LCORL: variants seen among roughly 807,000 people sequenced by gnomAD.
The protein encoded by LCORL is ligand dependent nuclear receptor corepressor like.
LCORL carries 41 observed loss-of-function variants against 141.8 expected under a neutral mutation model. That is an observed-to-expected ratio of 0.29 (90% CI 0.23 to 0.38). The LOEUF (loss-of-function observed/expected upper bound fraction) is 0.38. Ranked by LOEUF, LCORL falls within the 10% of genes least tolerant of loss-of-function variation. The pLI, the probability that LCORL is intolerant of heterozygous loss-of-function variation, is 1.00. For synonymous variants in LCORL, 618 were observed against 694.1 expected, an observed-to-expected ratio of 0.89 and a Z score of 1.72; for missense variants, 1,759 against 2,035.0, an observed-to-expected ratio of 0.86 and a Z score of 2.61.
At chr4:17,939,770 G>T (rs1316554055) in intron 4 of LCORL, among the ~76,000 whole-genome samples, 1 of 151,708 alleles carries the variant, frequency 6.6e-6, no homozygotes, top group East Asian at 1.9e-4. Context: ...GTCTAGAAAA[G>T]AATAATGAAA....
At chr4:17,983,958 T>C (rs547806980) in intron 1 of LCORL, among the ~76,000 whole-genome samples, 9 of 152,208 alleles carry the variant, frequency 5.9e-5, no homozygotes, top group African/African-American at 2.2e-4. Context: ...ACCTAGTTTA[T>C]TGAGAATTTT....
chr4:17,945,889 A>T (rs1738798014), intron 4 of LCORL, among the ~76,000 whole-genome samples: 1 of 152,056 alleles, frequency 6.6e-6, no homozygotes, highest in Non-Finnish European at 1.5e-5. Flanking sequence ...TTTTTATGAC[A>T]GACATAACCA....
chr4:17,972,556 G>A (rs999225623), intron 2 of LCORL, among the ~76,000 whole-genome samples: 9 of 151,528 alleles, frequency 5.9e-5, no homozygotes, highest in Admixed American at 3.3e-4. Context: ...AAGTTAGGGC[G>A]TAGAATCAAT....
chr4:17,912,489 G>C (rs1468879594), intron 4 of LCORL: 3 of 516,912 alleles, frequency 5.8e-6, no homozygotes, highest in Admixed American at 2.2e-5. Flanking sequence ...AGAACCGACA[G>C]GAACTAGACA....
At chr4:17,885,651 C>T (rs1728166356) in intron 6 of LCORL, among the ~76,000 whole-genome samples, 1 of 151,604 alleles carries the variant, frequency 6.6e-6, no homozygotes, top group African/African-American at 2.4e-5. Context: ...ATCTAAAGTG[C>T]AATAAAAAAA....
intron 4 of LCORL, among the ~76,000 whole-genome samples, chr4:17,937,037 C>T (rs1736978858): frequency 6.6e-6 from 1 of 152,090 alleles, no homozygotes; most frequent in East Asian, 1.9e-4. Context: ...ACATATAGGG[C>T]TAAAAAATTT....
intron 1 of LCORL, among the ~76,000 whole-genome samples, chr4:18,003,529 T>C (rs940446075): frequency 2.6e-5 from 4 of 152,160 alleles, no homozygotes; most frequent in Admixed American, 6.5e-5. Context: ...TGTTACATAT[T>C]AGGTTGGTGC....
At chr4:18,003,762 G>A (rs996092927) in intron 1 of LCORL, among the ~76,000 whole-genome samples, 16 of 152,256 alleles carry the variant, frequency 1.1e-4, no homozygotes, top group South Asian at 6.2e-4. Context: ...TTTGAAGCAC[G>A]TTACAATCAC....
chr4:17,932,154 T>C (rs892521270), intron 4 of LCORL, among the ~76,000 whole-genome samples: 1 of 152,182 alleles, frequency 6.6e-6, no homozygotes, highest in Admixed American at 6.5e-5. Context: ...TTTAAAATCA[T>C]TTTATTTTAG....
intron 5 of LCORL, among the ~76,000 whole-genome samples, chr4:17,907,907 C>T (rs756512082): frequency 3.9e-5 from 6 of 152,200 alleles, no homozygotes; most frequent in Non-Finnish European, 8.8e-5. Context: ...GATATTGTCA[C>T]ATAAATACTT....
chr4:17,868,781 T>C (rs1725981218), intron 7 of LCORL, among the ~76,000 whole-genome samples: 1 of 152,184 alleles, frequency 6.6e-6, no homozygotes, highest in Non-Finnish European at 1.5e-5. Context: ...CTTTGTCCTG[T>C]CATCCCCACG....
chr4:17,847,074 C>G (rs923181722), intron 7 of LCORL, among the ~76,000 whole-genome samples: 3 of 152,186 alleles, frequency 2.0e-5, no homozygotes, highest in Non-Finnish European at 4.4e-5. Flanking sequence ...AGACACGTGA[C>G]AGTCAAAAGG....
At chr4:17,897,251 T>A (rs1004970977) in intron 5 of LCORL, among the ~76,000 whole-genome samples, 4 of 126,566 alleles carry the variant, frequency 3.2e-5, no homozygotes, top group East Asian at 2.4e-4. Flanking sequence ...TTTTTTTTTT[T>A]AGGGTATATA....
At chr4:17,985,993 G>C (rs539044946) in intron 1 of LCORL, among the ~76,000 whole-genome samples, 9 of 152,166 alleles carry the variant, frequency 5.9e-5, no homozygotes, top group African/African-American at 2.2e-4. Flanking sequence ...TATTTAAAAA[G>C]GATCTTATTT....
intron 5 of LCORL, among the ~76,000 whole-genome samples, chr4:17,891,138 C>T (rs990270287): frequency 1.2e-4 from 18 of 152,052 alleles, no homozygotes; most frequent in African/African-American, 3.4e-4. Context: ...TTAAAGTGTG[C>T]GAAGCATTTG....
chr4:17,859,362 A>G (rs1326074180), intron 7 of LCORL, among the ~76,000 whole-genome samples: 1 of 152,196 alleles, frequency 6.6e-6, no homozygotes, highest in Non-Finnish European at 1.5e-5. Context: ...TAAGTTGAGG[A>G]GCATCAGTAC....
chr4:17,872,822 C>T (rs1431484065), intron 7 of LCORL, among the ~76,000 whole-genome samples: 2 of 152,098 alleles, frequency 1.3e-5, no homozygotes, highest in East Asian at 3.9e-4. Flanking sequence ...TGTTGCTCTA[C>T]CACTCTTCAA....
At chr4:17,948,606 A>G (rs1223128170) in intron 4 of LCORL, among the ~76,000 whole-genome samples, 1 of 151,994 alleles carries the variant, frequency 6.6e-6, no homozygotes, top group Non-Finnish European at 1.5e-5. Context: ...AGCAATGCAG[A>G]TTTTCTATCA....
chr4:17,999,370 C>T (rs867027758), intron 1 of LCORL, among the ~76,000 whole-genome samples: 2 of 151,286 alleles, frequency 1.3e-5, no homozygotes, highest in Admixed American at 6.6e-5. Flanking sequence ...AGGACAATGG[C>T]GTGAACCCGG....
Sources: allele counts gnomAD v4.1 joint callset (sites outside exome capture counted in the v4.1 genomes callset), GRCh38; gene constraint gnomAD v4.1.1; transcripts MANE v1.5; gene names NCBI Gene and HGNC (gene_info 2026-07-23, HGNC 2026-07-21).